The following PTK2B variants were observed in gnomAD, a reference collection of about 807,000 sequenced individuals.
The protein encoded by PTK2B is protein tyrosine kinase 2 beta, also known as protein-tyrosine kinase 2-beta.
Under a neutral mutation model 142.9 loss-of-function variants are expected in PTK2B, and 71 were observed. The observed-to-expected ratio is 0.50, with a 90% CI of 0.41 to 0.61. The LOEUF is 0.61. Ranked by LOEUF, PTK2B falls within the 20% of genes least tolerant of loss-of-function variation. The pLI is 0.00. For missense variants in PTK2B, 1,105 were observed against 1,320.4 expected (o/e 0.84, Z 2.53); for synonymous variants, 519 against 503.4 (o/e 1.03, Z -0.42).
intron 1 of PTK2B, among the ~76,000 whole-genome samples, chr8:27,376,928 G>T (rs1402493401): frequency 1.3e-5 from 2 of 152,034 alleles, no homozygotes; most frequent in Non-Finnish European, 2.9e-5. Flanking sequence ...TCACTTTATG[G>T]ACTCACCCTC....
chr8:27,458,642 C>A lies in PTK2B; in HGVS notation c.*133C>A. 1.1e-6 allele frequency: 1 copy of A among 886,872 alleles called. No homozygotes were observed. 54.9% of individuals were successfully genotyped at this position (886,872 alleles called of 1,614,324 possible). On this transcript the variant is annotated 3_prime_UTR_variant, in exon 31 of 31. Transcript: ENST00000346049. ...CACCTTCCCTTGCCACTTTGCACGA[C>A]GCCCTCTCCCCACCCCTACCCCTGG...
At chr8:27,437,572 C>G in intron 17 of PTK2B, 76 bp downstream of exon 17, 1 of 1,312,742 alleles carries the variant, frequency 7.6e-7, no homozygotes, top group Non-Finnish European at 1.1e-6. Context: ...TTCCTCCCAG[C>G]TTCCTGACTT....
In PTK2B at chr8:27,432,280, C is replaced by G; in HGVS notation, c.906C>G (p.Phe302Leu). ...CACAGCCCACCTGCCTGGCCGAGTT[C>G]AAGCAGATCAGGTCCATCAGGTGCC... is the stretch of plus-strand genomic sequence containing the variant. Reference protein sequence around the residue: ...QDAKPTCLAEFKQIRSIRCLP... With the variant: ...QDAKPTCLAELKQIRSIRCLP... The change falls in exon 10 of 31, where the codon TTC (phenylalanine) becomes TTG (leucine). Residue 302 changes from phenylalanine to leucine, a missense_variant. Coordinates refer to ENST00000346049, the MANE Select transcript of PTK2B (RefSeq NM_173176.3). The G allele has an allele frequency of 6.2e-7, 1 of 1,614,082 alleles. No homozygotes were observed. The highest frequency in any genetic ancestry group is 8.5e-7 in the Non-Finnish European group (1 of 1,180,014).
chr8:27,382,837 A>G (rs1281767021), intron 1 of PTK2B, among the ~76,000 whole-genome samples: 1 of 152,198 alleles, frequency 6.6e-6, no homozygotes, highest in Non-Finnish European at 1.5e-5. Context: ...TGTTCTTGGC[A>G]TCTTTGTTGA....
chr8:27,379,186 C>G (rs1180675109), intron 1 of PTK2B, among the ~76,000 whole-genome samples: 3 of 152,184 alleles, frequency 2.0e-5, no homozygotes, highest in East Asian at 1.9e-4. Context: ...TTAGATGTAT[C>G]ATGGAAATCA....
intron 1 of PTK2B, among the ~76,000 whole-genome samples, chr8:27,333,655 T>G (rs1803888600): frequency 6.6e-6 from 1 of 152,184 alleles, no homozygotes; most frequent in Non-Finnish European, 1.5e-5. Context: ...CACCTCTGTC[T>G]TCCATATTCT....
intron 2 of PTK2B, among the ~76,000 whole-genome samples, chr8:27,312,717 G>A (rs937240795): frequency 7.2e-5 from 11 of 152,146 alleles, no homozygotes; most frequent in African/African-American, 2.7e-4. Flanking sequence ...CCCAAGGCAG[G>A]TCATAGAAAC....
At chr8:27,435,611 C>G in intron 13 of PTK2B, 132 bp from the exon 14 acceptor site, 1 of 1,090,902 alleles carries the variant, frequency 9.2e-7, no homozygotes, top group Middle Eastern at 2.9e-4. Flanking sequence ...GCTGGGAGCC[C>G]GGGACATGCC....
chr8:27,404,347 G>A (rs954468205), intron 2 of PTK2B, among the ~76,000 whole-genome samples: 1 of 152,168 alleles, frequency 6.6e-6, no homozygotes, highest in South Asian at 2.1e-4. Context: ...GTTGTTCAGA[G>A]GTGCCGATGG....
At position 27,444,213 on chromosome 8, in the gene PTK2B, G is replaced by A. The variant is rs748125013; in HGVS notation, c.2156G>A (p.Arg719Gln). ...TCTGTGTTCTCTCTCCAGCCCAGCC[G>A]ACCTAAGTACAGACCCCCTCCGCAA... is the stretch of plus-strand genomic sequence containing the variant. ...AFQEPPPKPSRPKYRPPPQTN... is the reference protein window; with the variant it reads ...AFQEPPPKPSQPKYRPPPQTN... The change falls in exon 23 of 31, where the codon CGA (arginine) becomes CAA (glutamine). Residue 719 changes from arginine (R) to glutamine (Q), a missense_variant. Coordinates refer to ENST00000346049, the MANE Select transcript of PTK2B (RefSeq NM_173176.3). 1.5e-5 allele frequency: 24 copies of A among 1,613,296 alleles called. No homozygotes were observed. Among genetic ancestry groups the A allele is most frequent in the African/African-American group, 2.7e-5 (2 of 74,984 alleles).
chr8:27,325,954 A>AGGGGAGGCTG (rs756288850), intron 1 of PTK2B, among the ~76,000 whole-genome samples: 1 of 152,042 alleles, frequency 6.6e-6, no homozygotes, highest in Non-Finnish European at 1.5e-5. Flanking sequence ...ATATTCAGAC[A>AGGGGAGGCTG]GGGGAGGCTG....
intron 27 of PTK2B, chr8:27,451,817 T>G (rs1157301445): frequency 8.8e-6 from 11 of 1,255,814 alleles, no homozygotes; most frequent in African/African-American, 1.5e-5. Context: ...CATTTCCTGC[T>G]CTGTTGGAAG....
intron 2 of PTK2B, among the ~76,000 whole-genome samples, chr8:27,405,069 T>TCTCTCTC (rs1470616137): frequency 2.4e-4 from 34 of 143,946 alleles, no homozygotes; most frequent in Non-Finnish European, 3.5e-4. Context: ...TCTCTCTCTC[T>TCTCTCTC]TAGCCATGTG....
chr8:27,436,573 T>TA (rs915240888), intron 15 of PTK2B, among the ~76,000 whole-genome samples: 24 of 151,784 alleles, frequency 1.6e-4, no homozygotes, highest in Admixed American at 1.5e-3. Flanking sequence ...GGGGTGGAGA[T>TA]ATAGGCAGAA....
chr8:27,439,720 A>G (rs1411301745), intron 20 of PTK2B, among the ~76,000 whole-genome samples: 2 of 152,168 alleles, frequency 1.3e-5, no homozygotes, highest in Non-Finnish European at 2.9e-5. Flanking sequence ...GGAAGGAGAG[A>G]GAGCAAAGGC....
chr8:27,448,521 T>G (rs1308715854), intron 24 of PTK2B, among the ~76,000 whole-genome samples: 1 of 152,266 alleles, frequency 6.6e-6, no homozygotes, highest in Non-Finnish European at 1.5e-5. Context: ...AATCTGTGTT[T>G]GTTAGAATAT....
At chr8:27,337,311 T>A (rs1804132818) in intron 1 of PTK2B, among the ~76,000 whole-genome samples, 1 of 152,078 alleles carries the variant, frequency 6.6e-6, no homozygotes, top group Admixed American at 6.6e-5. Context: ...AGTTTTTGTA[T>A]TTTTTAGTAG....
intron 2 of PTK2B, among the ~76,000 whole-genome samples, chr8:27,410,297 A>G (rs561396255): frequency 2.2e-4 from 33 of 152,316 alleles, no homozygotes; most frequent in Admixed American, 2.0e-3. Flanking sequence ...GGGGCAGAGG[A>G]AAAAGTTGGG....
At chr8:27,335,923 T>C (rs1014805846) in intron 1 of PTK2B, among the ~76,000 whole-genome samples, 3 of 152,218 alleles carry the variant, frequency 2.0e-5, no homozygotes, top group African/African-American at 7.2e-5. Flanking sequence ...TATCCAGGGT[T>C]GAAGTGAGAA....
Sources: gnomAD v4.1 joint callset for allele counts (sites outside exome capture counted in the v4.1 genomes callset) on GRCh38, gnomAD v4.1.1 for gene constraint, MANE v1.5 for transcripts, NCBI Gene and HGNC (gene_info 2026-07-23, HGNC 2026-07-21) for gene names.